The following MACROD2 variants were observed in gnomAD, a reference collection of about 807,000 sequenced individuals.
MACROD2 encodes ADP-ribose glycohydrolase MACROD2.
A neutral mutation model predicts 70.4 loss-of-function variants in MACROD2; 36 were observed. That is an observed-to-expected ratio of 0.51 (90% CI 0.39 to 0.68). The LOEUF (loss-of-function observed/expected upper bound fraction) is 0.68. Among genes scored for constraint, MACROD2 ranks in the 30% least tolerant of loss-of-function variants. The pLI is 0.00. For missense variants in MACROD2, 496 were observed against 538.4 expected (o/e 0.92, Z 0.78); for synonymous variants, 172 against 178.8 (o/e 0.96, Z 0.30).
intron 3 of MACROD2, among the ~76,000 whole-genome samples, chr20:14,136,329 G>A (rs1021601304): frequency 1.3e-5 from 2 of 152,060 alleles, no homozygotes; most frequent in African/African-American, 2.4e-5. Flanking sequence ...GTTAGCCGGG[G>A]GCAGTGGTTC....
chr20:14,387,112 A>G (rs2083476126), intron 3 of MACROD2, among the ~76,000 whole-genome samples: 1 of 152,200 alleles, frequency 6.6e-6, no homozygotes. Context: ...TCAACATAAG[A>G]CAATTAATTT....
chr20:14,082,231 T>G (rs2054007258), intron 2 of MACROD2, among the ~76,000 whole-genome samples: 2 of 129,230 alleles, frequency 1.5e-5, no homozygotes, highest in South Asian at 4.9e-4. Flanking sequence ...CAGGCTGGAG[T>G]GCAGTGGCAT....
intron 7 of MACROD2, among the ~76,000 whole-genome samples, chr20:15,465,714 A>G (rs2046878482): frequency 6.6e-6 from 1 of 152,192 alleles, no homozygotes; most frequent in Non-Finnish European, 1.5e-5. Context: ...CTGGGGCTCC[A>G]CAAGAGTGAC....
At chr20:15,445,864 C>T (rs1042766615) in intron 7 of MACROD2, among the ~76,000 whole-genome samples, 1 of 152,200 alleles carries the variant, frequency 6.6e-6, no homozygotes, top group Middle Eastern at 3.4e-3. Flanking sequence ...ATGTGTTGTC[C>T]AGCCAATAGG....
chr20:14,863,693 AGCC>A (rs1449878143), intron 5 of MACROD2, among the ~76,000 whole-genome samples: 1 of 152,122 alleles, frequency 6.6e-6, no homozygotes, highest in Non-Finnish European at 1.5e-5. Context: ...AACATTTGTC[AGCC>A]ACTATTGCTA....
intron 15 of MACROD2, among the ~76,000 whole-genome samples, chr20:16,014,449 C>A (rs2066903792): frequency 6.6e-6 from 1 of 152,106 alleles, no homozygotes; most frequent in South Asian, 2.1e-4. Flanking sequence ...ATTGGAAGAC[C>A]CAAGATCATA....
intron 5 of MACROD2, among the ~76,000 whole-genome samples, chr20:15,064,184 G>C (rs1371580804): frequency 1.3e-5 from 2 of 152,122 alleles, no homozygotes; most frequent in Admixed American, 1.3e-4. Context: ...ACCAATCTGA[G>C]TTGGTACGTG....
chr20:14,483,002 T>G lies in MACROD2; in HGVS notation c.272-10477T>G, dbSNP rs1294218664. Among the ~76,000 whole-genome samples the G allele has an allele frequency of 2.0e-5, 3 of 152,208 alleles. No individual in the cohort carries two copies. The East Asian group carries it at 5.8e-4, about 29-fold the overall frequency. ...GTGGAAATAGAAAATGGTACCTACT[T>G]CATTAGCTTCTTTGGGGGACTGAAT... On this transcript the variant is annotated intron_variant, in intron 3 of 17. Coordinates refer to ENST00000684519, the MANE Select transcript of MACROD2 (RefSeq NM_001351661.2).
intron 3 of MACROD2, among the ~76,000 whole-genome samples, chr20:14,220,575 A>G (rs2081663387): frequency 6.6e-6 from 1 of 152,142 alleles, no homozygotes; most frequent in Non-Finnish European, 1.5e-5. Context: ...AAATGGTTAC[A>G]AAGTTCAGCT....
At chr20:14,562,252 C>T (rs1325831295) in intron 4 of MACROD2, among the ~76,000 whole-genome samples, 2 of 151,826 alleles carry the variant, frequency 1.3e-5, no homozygotes, top group Non-Finnish European at 2.9e-5. Flanking sequence ...AACAGAACAT[C>T]CTCAAGCATT....
chr20:15,819,415 A>G (rs563174676), intron 8 of MACROD2, among the ~76,000 whole-genome samples: 38 of 143,236 alleles, frequency 2.7e-4, no homozygotes, highest in African/African-American at 9.2e-4. Flanking sequence ...ATATATATTT[A>G]TATAAATATA....
chr20:15,408,100 G>A (rs1334300202), intron 6 of MACROD2, among the ~76,000 whole-genome samples: 1 of 152,188 alleles, frequency 6.6e-6, no homozygotes, highest in Non-Finnish European at 1.5e-5. Flanking sequence ...GCAATGCAAG[G>A]CAGGAATGTG....
chr20:15,328,352 G>A (rs1031626120), intron 6 of MACROD2, among the ~76,000 whole-genome samples: 20 of 152,124 alleles, frequency 1.3e-4, no homozygotes, highest in Non-Finnish European at 2.8e-4. Context: ...GTAAGTCCAT[G>A]CAATGACCTT....
intron 5 of MACROD2, among the ~76,000 whole-genome samples, chr20:15,224,699 C>T (rs771240875): frequency 6.6e-6 from 1 of 152,156 alleles, no homozygotes; most frequent in Non-Finnish European, 1.5e-5. Context: ...AGTCCCAACA[C>T]TTTGGGAGAC....
At chr20:15,131,382 T>A (rs73256811) in intron 5 of MACROD2, among the ~76,000 whole-genome samples, 2,386 of 152,064 alleles carry the variant, frequency 0.016, 59 homozygotes, top group African/African-American at 0.053. Flanking sequence ...TTGCACCAAA[T>A]TAATATAAAG....
intron 15 of MACROD2, among the ~76,000 whole-genome samples, chr20:16,011,836 CT>C (rs1289005774): frequency 6.6e-6 from 1 of 152,216 alleles, no homozygotes; most frequent in East Asian, 1.9e-4. Context: ...GGTGATTCGT[CT>C]TGCACTTTTC....
chr20:15,818,311 C>A (rs1308494057), intron 8 of MACROD2, among the ~76,000 whole-genome samples: 1 of 152,164 alleles, frequency 6.6e-6, no homozygotes, highest in African/African-American at 2.4e-5. Context: ...GTATGCTAAA[C>A]AAATTGTGAA....
At chr20:14,688,732 G>A (rs1029208799) in intron 5 of MACROD2, among the ~76,000 whole-genome samples, 12 of 152,052 alleles carry the variant, frequency 7.9e-5, no homozygotes, top group Non-Finnish European at 2.9e-5. Context: ...TTCTATTCAT[G>A]CTATCATCAT....
At chr20:14,124,710 G>A (rs2054625517) in intron 3 of MACROD2, among the ~76,000 whole-genome samples, 1 of 152,152 alleles carries the variant, frequency 6.6e-6, no homozygotes, top group Non-Finnish European at 1.5e-5. Context: ...ATGTAAAATG[G>A]TGGAGCCACT....
Sources: gnomAD v4.1 joint callset for allele counts (sites outside exome capture counted in the v4.1 genomes callset) on GRCh38, gnomAD v4.1.1 for gene constraint, MANE v1.5 for transcripts, NCBI Gene and HGNC (gene_info 2026-07-23, HGNC 2026-07-21) for gene names.